The following DOCK4 variants were observed in gnomAD, a reference collection of about 807,000 sequenced individuals.
DOCK4 encodes the protein dedicator of cytokinesis protein 4.
DOCK4 carries 97 observed loss-of-function variants against 268.1 expected under a neutral mutation model. That is an observed-to-expected ratio of 0.36 (90% CI 0.31 to 0.43). The LOEUF (loss-of-function observed/expected upper bound fraction) is 0.43, where lower values mean the gene tolerates loss of function less well. Among genes scored for constraint, DOCK4 ranks in the 20% least tolerant of loss-of-function variants. The probability of loss-of-function intolerance (pLI) is 1.00; values close to 1 mark genes in which losing one functional copy is unlikely to be tolerated. For missense variants in DOCK4, 2,145 were observed against 2,455.7 expected, an observed-to-expected ratio of 0.87 and a Z score of 2.67; for synonymous variants, 954 against 887.2, an observed-to-expected ratio of 1.08 and a Z score of -1.34.
intron 1 of DOCK4, among the ~76,000 whole-genome samples, chr7:112,181,878 G>A (rs529398366): frequency 2.6e-5 from 4 of 152,220 alleles, no homozygotes; most frequent in Admixed American, 2.0e-4. Flanking sequence ...TATTAAATCC[G>A]CAGGACAGCC....
rs187045123 is a variant in DOCK4, at chr7:112,003,707, G to A, written c.121+341C>T. On this transcript the variant is annotated intron_variant, in intron 2 of 52. Transcript: ENST00000428084. ...CTCAGGTAAGCCATGTCTGCTCTGG[G>A]CCTCTGCTTCTTCCTGTCCTGTGGG... is the stretch of plus-strand genomic sequence containing the variant. 5.4e-3 allele frequency among the ~76,000 whole-genome samples: 816 copies of A among 152,224 alleles called. 8 individuals are homozygous for A. The highest frequency in any genetic ancestry group is 0.045 in the South Asian group (217 of 4,822).
chr7:112,106,027 G>A (rs1019946919), intron 1 of DOCK4, among the ~76,000 whole-genome samples: 4 of 152,200 alleles, frequency 2.6e-5, no homozygotes, highest in Non-Finnish European at 5.9e-5. Context: ...GGGAAGGCAT[G>A]TAAGGGGCAA....
intron 1 of DOCK4, among the ~76,000 whole-genome samples, chr7:112,040,932 G>T (rs1804298535): frequency 6.6e-6 from 1 of 152,150 alleles, no homozygotes; most frequent in East Asian, 1.9e-4. Context: ...AAAAGTCTAA[G>T]TATATGCAGT....
At chr7:111,971,715 C>A in intron 8 of DOCK4, 1 of 310,758 alleles carries the variant, frequency 3.2e-6, no homozygotes, top group Non-Finnish European at 5.4e-6. Context: ...TACTTGTGGG[C>A]CAGCTTATGC....
intron 36 of DOCK4, among the ~76,000 whole-genome samples, chr7:111,770,223 CAAAA>C (rs756689437): frequency 1.4e-4 from 10 of 69,544 alleles, no homozygotes; most frequent in African/African-American, 2.1e-4. Flanking sequence ...GAGTGAAGAC[CAAAA>C]AAAAAAAAAA....
intron 36 of DOCK4, among the ~76,000 whole-genome samples, chr7:111,772,373 CA>C (rs1276278379): frequency 1.3e-5 from 2 of 149,212 alleles, no homozygotes; most frequent in Admixed American, 6.7e-5. Context: ...ACCCCCATCT[CA>C]AAAAAAAAGA....
chr7:112,045,101 T>C (rs1804722472), intron 1 of DOCK4, among the ~76,000 whole-genome samples: 1 of 152,206 alleles, frequency 6.6e-6, no homozygotes, highest in Admixed American at 6.5e-5. Flanking sequence ...ACCTCTGCCT[T>C]GCTGAGCTCA....
intron 1 of DOCK4, among the ~76,000 whole-genome samples, chr7:112,011,001 G>A (rs1801247071): frequency 6.6e-6 from 1 of 152,150 alleles, no homozygotes; most frequent in Non-Finnish European, 1.5e-5. Flanking sequence ...GACTCTCCCT[G>A]TGGCTGGGAG....
At chr7:111,998,319 C>T in intron 4 of DOCK4, 129 bp downstream of exon 4, 1 of 730,162 alleles carries the variant, frequency 1.4e-6, no homozygotes, top group Middle Eastern at 2.9e-4. Flanking sequence ...ATATCTTTAA[C>T]AAAGAACACA....
chr7:112,008,135 G>C (rs1436669770), intron 1 of DOCK4, among the ~76,000 whole-genome samples: 1 of 152,008 alleles, frequency 6.6e-6, no homozygotes, highest in Admixed American at 6.6e-5. Flanking sequence ...ATGAACCTTT[G>C]GTAAAGCTGG....
chr7:111,793,717 T>G (rs1055685368), intron 30 of DOCK4, among the ~76,000 whole-genome samples: 10 of 152,002 alleles, frequency 6.6e-5, no homozygotes, highest in Admixed American at 5.9e-4. Context: ...AAATCTAGTA[T>G]CAAGAAAAAA....
intron 1 of DOCK4, among the ~76,000 whole-genome samples, chr7:112,116,103 T>A (rs574438791): frequency 6.6e-6 from 1 of 152,286 alleles, no homozygotes; most frequent in Admixed American, 6.5e-5. Flanking sequence ...CATCTAGTTC[T>A]AAAACTTTTT....
chr7:112,052,290 A>G (rs1254661362), intron 1 of DOCK4, among the ~76,000 whole-genome samples: 2 of 152,170 alleles, frequency 1.3e-5, no homozygotes, highest in Admixed American at 1.3e-4. Flanking sequence ...GTGTGTATAT[A>G]CATATATATG....
intron 1 of DOCK4, among the ~76,000 whole-genome samples, chr7:112,099,288 T>C (rs562887069): frequency 4.4e-5 from 6 of 134,874 alleles, no homozygotes; most frequent in Admixed American, 1.5e-4. Context: ...CAAGACCCTG[T>C]CTCGGATTTA....
chr7:112,102,955 A>C (rs1810825436), intron 1 of DOCK4, among the ~76,000 whole-genome samples: 1 of 152,238 alleles, frequency 6.6e-6, no homozygotes, highest in African/African-American at 2.4e-5. Context: ...TATACCAATA[A>C]ACTTTTAAAG....
rs758401282 is a variant in DOCK4 at position 111,844,905 on chromosome 7, GA to G, written c.2602-9del. On this transcript the variant is annotated splice_polypyrimidine_tract_variant and intron_variant, in intron 24 of 52. Transcript: ENST00000428084. Reference sequence around the variant, plus strand: ...CTCCAGCACAGATTTTTCCTTAAGAGAAAAAAAATAATATGTTCAGGAAACT... The same window carrying G: ...CTCCAGCACAGATTTTTCCTTAAGAGAAAAAAATAATATGTTCAGGAAACT... 1.5e-5 allele frequency: 24 copies of G among 1,592,460 alleles called. No individual in the cohort carries two copies. Among genetic ancestry groups the G allele is most frequent in the Admixed American group, 3.6e-5 (2 of 55,634 alleles).
chr7:112,117,651 G>C (rs531207861), intron 1 of DOCK4, among the ~76,000 whole-genome samples: 1 of 152,224 alleles, frequency 6.6e-6, no homozygotes, highest in Admixed American at 6.5e-5. Context: ...GACTACAGGC[G>C]TGAGCCACTG....
chr7:112,188,666 T>C (rs1329125670), intron 1 of DOCK4, among the ~76,000 whole-genome samples: 2 of 152,194 alleles, frequency 1.3e-5, no homozygotes, highest in Non-Finnish European at 2.9e-5. Context: ...AGTAGAAGCA[T>C]GTCAGCTCAT....
At chr7:111,841,870 T>C (rs1301258816) in intron 25 of DOCK4, among the ~76,000 whole-genome samples, 1 of 152,202 alleles carries the variant, frequency 6.6e-6, no homozygotes, top group African/African-American at 2.4e-5. Context: ...ATGTATCCCA[T>C]AGAGATTTGG....
Sources: gnomAD v4.1 joint callset for allele counts (sites outside exome capture counted in the v4.1 genomes callset) on GRCh38, gnomAD v4.1.1 for gene constraint, MANE v1.5 for transcripts, NCBI Gene and HGNC (gene_info 2026-07-23, HGNC 2026-07-21) for gene names.